Variants in ADTRP observed in about 807,000 individuals in gnomAD.
The protein encoded by ADTRP is androgen-dependent TFPI-regulating protein.
In ADTRP, 20 loss-of-function variants were observed where a neutral mutation model predicts 27.0. The observed-to-expected ratio is 0.74, with a 90% confidence interval of 0.52 to 1.08. The LOEUF (loss-of-function observed/expected upper bound fraction) is 1.08, where lower values mean the gene tolerates loss of function less well. ADTRP is among the 50% of genes least tolerant of loss of function. The pLI is 0.00. For missense variants in ADTRP, 251 were observed against 275.0 expected, an observed-to-expected ratio of 0.91 and a Z score of 0.62; for synonymous variants, 101 against 105.2, an observed-to-expected ratio of 0.96 and a Z score of 0.25.
At chr6:11,757,669 C>T (rs1763257154) in intron 3 of ADTRP, among the ~76,000 whole-genome samples, 1 of 152,144 alleles carries the variant, frequency 6.6e-6, no homozygotes, top group Admixed American at 6.5e-5. Context: ...CACATATCTG[C>T]AAGGAGGAAG....
At chr6:11,742,491 T>G (rs556099646) in intron 3 of ADTRP, among the ~76,000 whole-genome samples, 18 of 152,296 alleles carry the variant, frequency 1.2e-4, no homozygotes, top group African/African-American at 4.1e-4. Context: ...TTGTTGAGAT[T>G]CAAGTTTAGC....
intron 3 of ADTRP, among the ~76,000 whole-genome samples, chr6:11,750,139 T>A (rs1490628503): frequency 6.6e-6 from 1 of 151,988 alleles, no homozygotes; most frequent in East Asian, 1.9e-4. Flanking sequence ...CCAATATGAT[T>A]CACAAGAATA....
chr6:11,751,957 T>C (rs1241162821), intron 3 of ADTRP, among the ~76,000 whole-genome samples: 2 of 152,216 alleles, frequency 1.3e-5, no homozygotes, highest in African/African-American at 4.8e-5. Context: ...ATTAATCTGG[T>C]TAATTTTTGG....
At chr6:11,751,398 C>G (rs1763048821) in intron 3 of ADTRP, among the ~76,000 whole-genome samples, 6 of 152,164 alleles carry the variant, frequency 3.9e-5, no homozygotes, top group Admixed American at 3.3e-4. Flanking sequence ...ATTTCCTCTT[C>G]TACTGACATG....
chr6:11,770,760 T>C (rs770569131), intron 1 of ADTRP, among the ~76,000 whole-genome samples: 7 of 152,082 alleles, frequency 4.6e-5, no homozygotes, highest in Admixed American at 1.3e-4. Context: ...GCACAGGGAG[T>C]TGGGAGAAGT....
At chr6:11,766,180 A>G in intron 3 of ADTRP, 94 bp downstream of exon 3, 1 of 903,152 alleles carries the variant, frequency 1.1e-6, no homozygotes, top group Non-Finnish European at 1.7e-6. Context: ...GATGCTGGGA[A>G]TTGAGACATT....
chr6:11,733,175 T>A (rs1363826885), intron 4 of ADTRP, among the ~76,000 whole-genome samples: 3 of 152,246 alleles, frequency 2.0e-5, no homozygotes, highest in African/African-American at 7.2e-5. Context: ...TTGGCTAACA[T>A]CAACTCCCCT....
At chr6:11,729,002 G>A (rs924857861) in intron 4 of ADTRP, among the ~76,000 whole-genome samples, 2 of 152,218 alleles carry the variant, frequency 1.3e-5, no homozygotes, top group Non-Finnish European at 2.9e-5. Context: ...GAGTTGGACT[G>A]GGTGGGCACC....
intron 3 of ADTRP, among the ~76,000 whole-genome samples, chr6:11,758,057 C>G (rs1346228775): frequency 3.3e-5 from 5 of 152,146 alleles, no homozygotes; most frequent in Admixed American, 2.0e-4. Flanking sequence ...TTCTATCCAA[C>G]CTTTGAACTG....
intron 3 of ADTRP, among the ~76,000 whole-genome samples, chr6:11,738,156 A>G (rs550785725): frequency 1.3e-5 from 2 of 152,056 alleles, no homozygotes; most frequent in Non-Finnish European, 1.5e-5. Flanking sequence ...TATCAGTGTG[A>G]CTGTTGTCTT....
intron 5 of ADTRP, among the ~76,000 whole-genome samples, chr6:11,721,972 C>G (rs1391448027): frequency 6.6e-6 from 1 of 152,082 alleles, no homozygotes; most frequent in Non-Finnish European, 1.5e-5. Context: ...TCTCTAAGCT[C>G]TAAGTAATCA....
chr6:11,770,107 A>G, intron 1 of ADTRP: 2 of 1,550,402 alleles, frequency 1.3e-6, no homozygotes, highest in Non-Finnish European at 1.7e-6. Context: ...AAAATAAAAA[A>G]AATTATCAGG....
intron 1 of ADTRP, among the ~76,000 whole-genome samples, chr6:11,769,424 G>A (rs1182627859): frequency 1.3e-5 from 2 of 152,152 alleles, no homozygotes; most frequent in African/African-American, 4.8e-5. Flanking sequence ...CTGGGCTGAG[G>A]GCGTAGGCAG....
intron 1 of ADTRP, among the ~76,000 whole-genome samples, chr6:11,778,235 T>C (rs1764021504): frequency 6.6e-6 from 1 of 152,246 alleles, no homozygotes; most frequent in Admixed American, 6.5e-5. Flanking sequence ...CATACGCCAC[T>C]CTGCCTTCTC....
chr6:11,765,624 A>G (rs965267195), intron 3 of ADTRP, among the ~76,000 whole-genome samples: 1 of 151,962 alleles, frequency 6.6e-6, no homozygotes, highest in African/African-American at 2.4e-5. Context: ...CTTTGTTCAC[A>G]TTGTGCCGAT....
In ADTRP at chr6:11,775,949, G is replaced by C. The variant is rs143519296; in HGVS notation, c.153+2658C>G. ...GTAAAATAAATATAAGAATGTGAGC[G>C]TAAGTTGTGAGACCTTTATGACTTA... On this transcript the variant is annotated intron_variant, in intron 1 of 5. Coordinates refer to ENST00000414691, the MANE Select transcript of ADTRP (RefSeq NM_032744.4). Among the ~76,000 whole-genome samples, 266 of 152,286 alleles carry C rather than the reference G, an allele frequency of 1.7e-3. 3 individuals carry two copies. Among genetic ancestry groups the C allele is most frequent in the African/African-American group, 6.1e-3 (255 of 41,564 alleles).
chr6:11,758,271 T>G (rs192967131), intron 3 of ADTRP, among the ~76,000 whole-genome samples: 214 of 152,308 alleles, frequency 1.4e-3, no homozygotes, highest in Admixed American at 5.3e-3. Flanking sequence ...GTGCCCACTC[T>G]GTGCCCAGCA....
chr6:11,772,659 A>G (rs946134065), intron 1 of ADTRP, among the ~76,000 whole-genome samples: 5 of 152,212 alleles, frequency 3.3e-5, no homozygotes, highest in Non-Finnish European at 7.3e-5. Flanking sequence ...CTCCTTTGAA[A>G]TGATGCAAGA....
intron 3 of ADTRP, among the ~76,000 whole-genome samples, chr6:11,746,216 G>A (rs578109394): frequency 6.6e-6 from 1 of 152,290 alleles, no homozygotes; most frequent in Admixed American, 6.5e-5. Flanking sequence ...ACTCAGAGGA[G>A]AAATCCAGCT....
Sources: allele counts gnomAD v4.1 joint callset (sites outside exome capture counted in the v4.1 genomes callset), GRCh38; gene constraint gnomAD v4.1.1; transcripts MANE v1.5; gene names NCBI Gene and HGNC (gene_info 2026-07-23, HGNC 2026-07-21).